The following CCSER1 variants were observed in gnomAD, a reference collection of about 807,000 sequenced individuals.
CCSER1 encodes the protein serine-rich coiled-coil domain-containing protein 1.
A neutral mutation model predicts 82.0 loss-of-function variants in CCSER1; 41 were observed. The ratio of observed to expected loss-of-function variants is 0.50; its 90% confidence interval spans 0.39 to 0.65. The LOEUF is 0.65. Among genes scored for constraint, CCSER1 ranks in the 30% least tolerant of loss-of-function variants. The pLI is 0.00. For synonymous variants in CCSER1, 414 were observed against 383.9 expected, an observed-to-expected ratio of 1.08 and a Z score of -0.92; for missense variants, 1,119 against 1,064.2, an observed-to-expected ratio of 1.05 and a Z score of -0.72.
chr4:90,915,358 G>A (rs888944687), intron 8 of CCSER1, among the ~76,000 whole-genome samples: 2 of 151,960 alleles, frequency 1.3e-5, no homozygotes, highest in East Asian at 3.9e-4. Flanking sequence ...AGGCGGTTCA[G>A]CATACGCAAA....
At chr4:90,693,915 A>AGG (rs1219662015) in intron 6 of CCSER1, among the ~76,000 whole-genome samples, 3 of 149,356 alleles carry the variant, frequency 2.0e-5, no homozygotes, top group Admixed American at 6.7e-5. Context: ...AAGAAAGAGG[A>AGG]GGAGAGAGAG....
intron 8 of CCSER1, among the ~76,000 whole-genome samples, chr4:90,893,110 G>A (rs1056189747): frequency 5.9e-5 from 9 of 151,996 alleles, no homozygotes; most frequent in Non-Finnish European, 1.3e-4. Flanking sequence ...AAAGACCAAA[G>A]GCCAGACCAT....
At chr4:90,495,786 A>T (rs980245958) in intron 5 of CCSER1, among the ~76,000 whole-genome samples, 27 of 152,286 alleles carry the variant, frequency 1.8e-4, no homozygotes, top group African/African-American at 6.0e-4. Flanking sequence ...CCACATTTAT[A>T]CAGTTTGGGG....
At chr4:90,723,288 CTAGA>C (rs1743009766) in intron 6 of CCSER1, among the ~76,000 whole-genome samples, 1 of 151,790 alleles carries the variant, frequency 6.6e-6, no homozygotes, top group Admixed American at 6.6e-5. Flanking sequence ...TTTTAAAAGA[CTAGA>C]TAAACAGCCA....
intron 7 of CCSER1, among the ~76,000 whole-genome samples, chr4:90,753,689 T>C (rs1749069329): frequency 6.6e-6 from 1 of 152,060 alleles, no homozygotes; most frequent in Non-Finnish European, 1.5e-5. Context: ...AGTGATCTTT[T>C]AAAAAAATAA....
chr4:91,579,004 T>C (rs762678813), intron 10 of CCSER1, among the ~76,000 whole-genome samples: 5 of 151,866 alleles, frequency 3.3e-5, no homozygotes, highest in Admixed American at 6.6e-5. Context: ...GTTATGAAGA[T>C]ATGGCTAAAA....
At chr4:91,374,629 C>T (rs554592391) in intron 10 of CCSER1, among the ~76,000 whole-genome samples, 1 of 152,302 alleles carries the variant, frequency 6.6e-6, no homozygotes, top group African/African-American at 2.4e-5. Context: ...TGTTTTTATG[C>T]CTGCTAACAC....
chr4:91,042,809 G>A (rs986422824), intron 9 of CCSER1, among the ~76,000 whole-genome samples: 1 of 152,008 alleles, frequency 6.6e-6, no homozygotes, highest in South Asian at 2.1e-4. Flanking sequence ...AAAGTGGTAG[G>A]GGGAAATTAA....
intron 10 of CCSER1, among the ~76,000 whole-genome samples, chr4:91,112,111 G>T (rs1290972270): frequency 6.6e-6 from 1 of 152,026 alleles, no homozygotes; most frequent in African/African-American, 2.4e-5. Flanking sequence ...TTCCGGTATT[G>T]CTGAGATATT....
At chr4:91,150,948 C>G (rs923658792) in intron 10 of CCSER1, among the ~76,000 whole-genome samples, 2 of 152,162 alleles carry the variant, frequency 1.3e-5, no homozygotes, top group Non-Finnish European at 2.9e-5. Context: ...TGTTGTGTCT[C>G]TGCCAGGCTT....
intron 10 of CCSER1, among the ~76,000 whole-genome samples, chr4:91,366,119 A>G (rs961307636): frequency 2.6e-5 from 4 of 152,158 alleles, no homozygotes; most frequent in Non-Finnish European, 5.9e-5. Context: ...CCCAGGTTCA[A>G]GTGAGTCTCC....
At chr4:90,993,568 G>A (rs1737228966) in intron 9 of CCSER1, among the ~76,000 whole-genome samples, 3 of 151,852 alleles carry the variant, frequency 2.0e-5, no homozygotes, top group African/African-American at 4.8e-5. Context: ...TACATAGACT[G>A]GATGGCTTAA....
At chr4:90,658,155 G>T (rs1025488412) in intron 6 of CCSER1, among the ~76,000 whole-genome samples, 1 of 146,680 alleles carries the variant, frequency 6.8e-6, no homozygotes, top group Non-Finnish European at 1.5e-5. Context: ...ATCTCCTTTG[G>T]TTCTGTTTAT....
At chr4:91,399,411 G>A (rs1223266552) in intron 10 of CCSER1, among the ~76,000 whole-genome samples, 1 of 151,728 alleles carries the variant, frequency 6.6e-6, no homozygotes, top group Non-Finnish European at 1.5e-5. Flanking sequence ...GGAAGTAGGA[G>A]GAAATTTTAA....
chr4:91,185,827 G>A (rs988559819), intron 10 of CCSER1, among the ~76,000 whole-genome samples: 3 of 152,132 alleles, frequency 2.0e-5, no homozygotes, highest in South Asian at 2.1e-4. Context: ...CAAGCTCCAG[G>A]AAATGGAGTA....
At chr4:90,552,343 CACAA>C (rs1368856831) in intron 5 of CCSER1, among the ~76,000 whole-genome samples, 1 of 152,220 alleles carries the variant, frequency 6.6e-6, no homozygotes, top group East Asian at 1.9e-4. Flanking sequence ...CATATTCCAA[CACAA>C]ACATTCATAA....
chr4:91,579,506 A>G (rs1763627976), intron 10 of CCSER1, among the ~76,000 whole-genome samples: 1 of 151,860 alleles, frequency 6.6e-6, no homozygotes, highest in Non-Finnish European at 1.5e-5. Context: ...TTGTGAATAA[A>G]TGTTAATTTT....
At chr4:91,400,281 A>G (rs1409144641) in intron 10 of CCSER1, among the ~76,000 whole-genome samples, 1 of 151,824 alleles carries the variant, frequency 6.6e-6, no homozygotes, top group African/African-American at 2.4e-5. Flanking sequence ...CATTTTGTTG[A>G]TCTCACTAAT....
intron 10 of CCSER1, among the ~76,000 whole-genome samples, chr4:91,419,157 CTAA>C (rs1753554839): frequency 6.6e-6 from 1 of 151,878 alleles, no homozygotes; most frequent in Non-Finnish European, 1.5e-5. Context: ...AGCTTTTCCT[CTAA>C]TATCAGGAGA....
Sources: gnomAD v4.1 joint callset for allele counts (sites outside exome capture counted in the v4.1 genomes callset) on GRCh38, gnomAD v4.1.1 for gene constraint, MANE v1.5 for transcripts, NCBI Gene and HGNC (gene_info 2026-07-23, HGNC 2026-07-21) for gene names.